Variants in TECRL observed in about 807,000 individuals in gnomAD.
The protein encoded by TECRL is trans-2,3-enoyl-CoA reductase like.
Under a neutral mutation model 52.8 loss-of-function variants are expected in TECRL, and 63 were observed. The ratio of observed to expected loss-of-function variants is 1.19; its 90% CI spans 0.97 to 1.47. The LOEUF (loss-of-function observed/expected upper bound fraction) is 1.47. TECRL is among the 40% of genes most tolerant of loss of function. The pLI, the probability that TECRL is intolerant of heterozygous loss-of-function variation, is 0.00. For synonymous variants in TECRL, 164 were observed against 141.9 expected (o/e 1.16, Z -1.10); for missense variants, 482 against 429.6 (o/e 1.12, Z -1.08).
rs138407458 is a variant in TECRL at position 64,328,923 on chromosome 4, A to G, written c.287-367T>C. On this transcript the variant is annotated intron_variant, in intron 2 of 11. Transcript: ENST00000381210. ...GAAAATATTTTATTTAAAATTGGGA[A>G]CTTTAATCTCATTTCAAATTCATCT... Among the ~76,000 whole-genome samples the G allele has an allele frequency of 8.9e-3, 1,347 of 152,062 alleles. 20 individuals are homozygous for G. Among genetic ancestry groups the G allele is most frequent in the Non-Finnish European group, 0.011 (725 of 67,874 alleles).
chr4:64,300,123 A>C, intron 7 of TECRL, 106 bp from the exon 8 acceptor site: 1 of 760,452 alleles, frequency 1.3e-6, no homozygotes, highest in Non-Finnish European at 2.0e-6. Flanking sequence ...TCTATAATCA[A>C]TAGAACTGTC....
At chr4:64,406,180 G>GTT (rs67441561) in intron 1 of TECRL, among the ~76,000 whole-genome samples, 14,717 of 151,312 alleles carry the variant, frequency 0.097, 1,015 homozygotes, top group East Asian at 0.26. Flanking sequence ...GTGTGTGTGT[G>GTT]TATGTGTGTA....
intron 1 of TECRL, among the ~76,000 whole-genome samples, chr4:64,399,728 T>G (rs1724218400): frequency 6.6e-6 from 1 of 152,182 alleles, no homozygotes; most frequent in Admixed American, 6.5e-5. Context: ...GTTTTAAGCC[T>G]GCAGGTGCAC....
At chr4:64,315,740 CATAT>C (rs1477710153) in intron 4 of TECRL, among the ~76,000 whole-genome samples, 1 of 151,964 alleles carries the variant, frequency 6.6e-6, no homozygotes, top group East Asian at 1.9e-4. Context: ...TGCATGGTTT[CATAT>C]ATATTCATAT....
At chr4:64,374,079 A>ATATATATATATATATATATATATT (rs1343885987) in intron 2 of TECRL, among the ~76,000 whole-genome samples, 1,152 of 95,936 alleles carry the variant, frequency 0.012, 9 homozygotes, top group East Asian at 0.05. Flanking sequence ...ATATATATAT[A>ATATATATATATATATATATATATT]TATTTATCTT....
chr4:64,368,818 T>C (rs1394388008), intron 2 of TECRL, among the ~76,000 whole-genome samples: 4 of 152,142 alleles, frequency 2.6e-5, no homozygotes, highest in South Asian at 2.1e-4. Context: ...TTCTACTATA[T>C]GTGATAAATC....
chr4:64,354,029 C>T (rs967380483), intron 2 of TECRL, among the ~76,000 whole-genome samples: 2 of 151,498 alleles, frequency 1.3e-5, no homozygotes, highest in African/African-American at 4.8e-5. Flanking sequence ...ACGTCAAATG[C>T]AGTTGAAAGT....
At chr4:64,348,339 A>T (rs1720142113) in intron 2 of TECRL, among the ~76,000 whole-genome samples, 1 of 152,204 alleles carries the variant, frequency 6.6e-6, no homozygotes. Context: ...TATCAGGAGA[A>T]CAGCATGGTT....
chr4:64,394,420 C>G (rs568102100), intron 1 of TECRL, among the ~76,000 whole-genome samples: 1 of 152,088 alleles, frequency 6.6e-6, no homozygotes, highest in African/African-American at 2.4e-5. Context: ...AGTGGACATG[C>G]GCCTCCAGAA....
intron 2 of TECRL, among the ~76,000 whole-genome samples, chr4:64,337,914 A>T (rs1193938326): frequency 6.6e-6 from 1 of 152,220 alleles, no homozygotes; most frequent in Non-Finnish European, 1.5e-5. Context: ...CTTTCTTCAC[A>T]GAATTGGAAA....
At chr4:64,339,812 TTCTC>T (rs1205531165) in intron 2 of TECRL, among the ~76,000 whole-genome samples, 5 of 149,626 alleles carry the variant, frequency 3.3e-5, no homozygotes, top group African/African-American at 5.1e-5. Context: ...ACACTAATAA[TTCTC>T]TCTAAAACAT....
At chr4:64,373,250 T>C (rs955585449) in intron 2 of TECRL, among the ~76,000 whole-genome samples, 1 of 151,584 alleles carries the variant, frequency 6.6e-6, no homozygotes, top group African/African-American at 2.4e-5. Flanking sequence ...AAGATAATTT[T>C]GAAAAAGTGA....
At chr4:64,300,966 C>A (rs1176921176) in intron 7 of TECRL, among the ~76,000 whole-genome samples, 1 of 150,764 alleles carries the variant, frequency 6.6e-6, no homozygotes, top group Non-Finnish European at 1.5e-5. Flanking sequence ...ACGTATAAAT[C>A]TTTTACTAAA....
At chr4:64,350,731 A>G (rs767482402) in intron 2 of TECRL, among the ~76,000 whole-genome samples, 67 of 151,750 alleles carry the variant, frequency 4.4e-4, no homozygotes, top group Middle Eastern at 6.8e-3. Context: ...TCGAACAGCA[A>G]TTTTTCCCTG....
At chr4:64,372,964 A>G (rs1029848994) in intron 2 of TECRL, among the ~76,000 whole-genome samples, 1 of 151,714 alleles carries the variant, frequency 6.6e-6, no homozygotes, top group African/African-American at 2.4e-5. Context: ...TGCTAAAAAT[A>G]TAAGATCCTA....
chr4:64,278,879 G>A lies in TECRL; in HGVS notation c.*1193C>T, dbSNP rs1722679240. The A allele has an allele frequency of 6.6e-6, 1 of 151,968 alleles. No homozygotes were observed. The highest frequency in any genetic ancestry group is 2.1e-4 in the South Asian group (1 of 4,818). 9.4% of individuals were successfully genotyped at this position (151,968 alleles called of 1,614,324 possible). On this transcript the variant is annotated 3_prime_UTR_variant, in exon 12 of 12. Coordinates refer to ENST00000381210, the MANE Select transcript of TECRL (RefSeq NM_001010874.5). The stretch of plus-strand genomic sequence containing the variant: ...ATGCAATGTTTAACTTTCTGTTCCT[G>A]GCTTGTTTCACTTAACATATGCCCT...
intron 1 of TECRL, among the ~76,000 whole-genome samples, chr4:64,402,139 C>T (rs1032631224): frequency 6.6e-6 from 1 of 152,000 alleles, no homozygotes; most frequent in Admixed American, 6.6e-5. Flanking sequence ...ATTCTTTTTT[C>T]TGAACCCAAG....
intron 7 of TECRL, among the ~76,000 whole-genome samples, chr4:64,300,838 T>C (rs1465044927): frequency 6.6e-5 from 10 of 151,066 alleles, no homozygotes; most frequent in Non-Finnish European, 1.5e-4. Context: ...GTCATAACGG[T>C]AATTGAATCT....
chr4:64,315,191 T>C (rs1191176204), intron 4 of TECRL, among the ~76,000 whole-genome samples: 1 of 152,036 alleles, frequency 6.6e-6, no homozygotes, highest in East Asian at 1.9e-4. Context: ...CTACCCTCCA[T>C]GGGCCTGTCA....
Sources: allele counts gnomAD v4.1 joint callset (sites outside exome capture counted in the v4.1 genomes callset), GRCh38; gene constraint gnomAD v4.1.1; transcripts MANE v1.5; gene names NCBI Gene and HGNC (gene_info 2026-07-23, HGNC 2026-07-21).